UBAP1L: variants seen among roughly 807,000 people sequenced by gnomAD.
The protein encoded by UBAP1L is ubiquitin associated protein 1 like, also known as ubiquitin-associated protein 1-like.
UBAP1L carries 32 observed loss-of-function variants against 32.1 expected under a neutral mutation model. The ratio of observed to expected loss-of-function variants is 1.00; its 90% confidence interval spans 0.75 to 1.34. UBAP1L has a LOEUF of 1.34. Ranked by LOEUF, UBAP1L falls within the 40% of genes most tolerant of loss-of-function variation. The pLI, the probability that UBAP1L is intolerant of heterozygous loss-of-function variation, is 0.00. For missense variants in UBAP1L, 516 were observed against 540.5 expected (o/e 0.95, Z 0.45); for synonymous variants, 243 against 250.2 (o/e 0.97, Z 0.27).
In UBAP1L at chr15:65,102,417, G is replaced by C. The variant is rs553747951; in HGVS notation, c.388C>G (p.Pro130Ala). The C allele has an allele frequency of 4.6e-5, 66 of 1,427,552 alleles. No individual in the cohort carries two copies. The highest frequency in any genetic ancestry group is 2.9e-4 in the African/African-American group (19 of 66,334). 88.4% of individuals were successfully genotyped at this position (1,427,552 alleles called of 1,614,324 possible). ...GGGCCGGGGCTCGCCGGGGAGCCCG[G>C]TTGGAGGCTGCTGGGGGCCGGCTCT... The part of the protein sequence containing the change: ...EEEPAPSSLQ[P>A]GSPASPGPGR... Residue 130 changes from proline (P) to alanine (A), a missense_variant, in exon 3 of 6, where the codon CCG becomes GCG. Transcript: ENST00000559089. The surrounding 1 kb of genome is among the most constrained non-coding windows in gnomAD (Gnocchi z 5.0).
intron 2 of UBAP1L, 27 bp downstream of exon 2, chr15:65,106,069 A>G: frequency 6.4e-7 from 1 of 1,550,572 alleles, no homozygotes; most frequent in African/African-American, 1.4e-5. Flanking sequence ...ACAGACCCAG[A>G]AGACAGAAAC....
intron 1 of UBAP1L, among the ~76,000 whole-genome samples, chr15:65,109,578 T>C (rs939002540): frequency 1.3e-5 from 2 of 150,760 alleles, no homozygotes; most frequent in African/African-American, 4.9e-5. Flanking sequence ...TGGGAGAAGA[T>C]ATTTGCAACA....
At position 65,092,935 on chromosome 15, in the gene UBAP1L, A is replaced by C. The variant is rs2087133934; in HGVS notation, c.*162T>G. On this transcript the variant is annotated 3_prime_UTR_variant, in exon 6 of 6. Transcript: ENST00000559089. ...AGGCAACTATTTCAACTCTTTCAGC[A>C]GATTCTGCTGCTGTTAACTGTCACC... 1 of 1,021,922 alleles carries C rather than the reference A, an allele frequency of 9.8e-7. No individual in the cohort carries two copies. The highest frequency in any genetic ancestry group is 1.4e-6 in the Non-Finnish European group (1 of 733,448). The allele number at this position is 1,021,922 out of a possible 1,614,324, so 63.3% of individuals were successfully genotyped here. A position where few individuals can be genotyped will look rare whatever the true frequency, so the allele number is the denominator to read the frequency against.
rs74524140 is a variant in UBAP1L at position 65,099,474 on chromosome 15, C to T, written c.909+31G>A. The T allele has an allele frequency of 2.9e-4, 452 of 1,544,792 alleles. 1 individual carries two copies. Among genetic ancestry groups the T allele is most frequent in the Non-Finnish European group, 3.4e-4 (390 of 1,143,700 alleles). On this transcript the variant is annotated intron_variant, in intron 4 of 5. Transcript: ENST00000559089. ...GGCCACTCACCTGGCTCCAGCATCA[C>T]AGCTCATCAGCTCTGGGTCCCCCAA...
At chr15:65,107,040 A>G (rs2087320895) in intron 1 of UBAP1L, among the ~76,000 whole-genome samples, 1 of 152,256 alleles carries the variant, frequency 6.6e-6, no homozygotes, top group South Asian at 2.1e-4. Context: ...AATTATGGGT[A>G]GAATAATATA....
At chr15:65,107,359 G>GAAAAAAAAA (rs952697311) in intron 1 of UBAP1L, among the ~76,000 whole-genome samples, 1 of 143,662 alleles carries the variant, frequency 7.0e-6, no homozygotes, top group Non-Finnish European at 1.5e-5. Flanking sequence ...AAAGAAAAAG[G>GAAAAAAAAA]AAAAAAAAAA....
rs945732241 is a variant in UBAP1L, at chr15:65,106,347, G to A, written c.-132C>T. Reference sequence around the variant, plus strand: ...TGCTCTCCTGTGTGGTCACTTAGCTGAGCCCCAAACAGCTGGAAAGGAAAA... The same window carrying A: ...TGCTCTCCTGTGTGGTCACTTAGCTAAGCCCCAAACAGCTGGAAAGGAAAA... On this transcript the variant is annotated 5_prime_UTR_variant, in exon 2 of 6. Transcript: ENST00000559089. The A allele has an allele frequency of 1.3e-5, 15 of 1,132,914 alleles. No homozygotes were observed. The African/African-American group carries it at 2.0e-4, about 15-fold the overall frequency. The allele number at this position is 1,132,914 out of a possible 1,614,324, so 70.2% of individuals were successfully genotyped here. A position where few individuals can be genotyped will look rare whatever the true frequency, so the allele number is the denominator to read the frequency against.
At chr15:65,097,307 C>G (rs1269496187) in intron 4 of UBAP1L, 1 of 152,366 alleles carries the variant, frequency 6.6e-6, no homozygotes, top group African/African-American at 2.4e-5. Flanking sequence ...ATGTCAGAGC[C>G]CCACTGTGCA....
At position 65,102,900 on chromosome 15, in the gene UBAP1L, C is replaced by CATAA. The variant is rs1415591279; in HGVS notation, c.121-220_121-217dup. On this transcript the variant is annotated intron_variant, in intron 2 of 5. Transcript: ENST00000559089. This position sits in a 1 kb window ranked among gnomAD's most constrained non-coding sequence, Gnocchi z 5.0. ...CAATAACAGTTTAATGGCAAACTGG[C>CATAA]ATAAATGACAAAGTGATGAATTCGT... Among the ~76,000 whole-genome samples, 3 of 152,328 alleles carry CATAA rather than the reference C, an allele frequency of 2.0e-5. No homozygotes were observed. Among genetic ancestry groups the CATAA allele is most frequent in the African/African-American group, 7.2e-5 (3 of 41,572 alleles).
At chr15:65,112,457 G>A (rs1376592909) in intron 1 of UBAP1L, among the ~76,000 whole-genome samples, 1 of 152,080 alleles carries the variant, frequency 6.6e-6, no homozygotes, top group Non-Finnish European at 1.5e-5. Flanking sequence ...TGTAAGCCAG[G>A]ACCTCTCAAA....
intron 1 of UBAP1L, among the ~76,000 whole-genome samples, chr15:65,106,837 C>T (rs190473005): frequency 0.015 from 2,328 of 152,188 alleles, 30 homozygotes; most frequent in Non-Finnish European, 0.024. Flanking sequence ...GACGGGGTTT[C>T]ACCACGTTGG....
intron 1 of UBAP1L, among the ~76,000 whole-genome samples, chr15:65,109,310 C>T (rs1320841372): frequency 6.6e-6 from 1 of 151,292 alleles, no homozygotes; most frequent in Non-Finnish European, 1.5e-5. Flanking sequence ...GGTGAAACCC[C>T]GTCTCTACTA....
chr15:65,111,681 C>T (rs963245241), intron 1 of UBAP1L, among the ~76,000 whole-genome samples: 17 of 151,040 alleles, frequency 1.1e-4, no homozygotes, highest in African/African-American at 4.1e-4. Flanking sequence ...GGTGGGGTTT[C>T]GCCATACTGG....
Position 65,105,149 on chromosome 15 carries a change from A to T in UBAP1L, c.120+947T>A, listed in dbSNP as rs556122428. ...AGCCATGTTCATGCCGCTGCACTCC[A>T]GCCTGGGCGACAGAGTGAGGCCCTG... On this transcript the variant is annotated intron_variant, in intron 2 of 5. Transcript: ENST00000559089. 30 of 196,476 alleles carry T rather than the reference A, an allele frequency of 1.5e-4. No individual in the cohort carries two copies. In the South Asian group the frequency reaches 2.3e-3, roughly 15 times the overall value. 12.2% of individuals were successfully genotyped at this position (196,476 alleles called of 1,614,324 possible). A position where few individuals can be genotyped will look rare whatever the true frequency, so the allele number is the denominator to read the frequency against.
chr15:65,094,599 G>C lies in UBAP1L; in HGVS notation c.910-23C>G. 1 of 1,529,350 alleles carries C rather than the reference G, an allele frequency of 6.5e-7. No individual in the cohort carries two copies. Among genetic ancestry groups the C allele is most frequent in the Non-Finnish European group, 8.9e-7 (1 of 1,127,626 alleles). The allele number at this position is 1,529,350 out of a possible 1,614,324, so 94.7% of individuals were successfully genotyped here. A position where few individuals can be genotyped will look rare whatever the true frequency, so the allele number is the denominator to read the frequency against. On this transcript the variant is annotated intron_variant, in intron 4 of 5. Transcript: ENST00000559089. The surrounding 1 kb of genome is among the most constrained non-coding windows in gnomAD (Gnocchi z 4.2). ...AAACTGGGCCGGAAGCGGGCAGAGAGGGAGGGAGGGTAAGAGGAGCAGCCG... is the reference window on the plus strand; with the variant it reads ...AAACTGGGCCGGAAGCGGGCAGAGACGGAGGGAGGGTAAGAGGAGCAGCCG...
chr15:65,112,097 G>A (rs2087372967), intron 1 of UBAP1L, among the ~76,000 whole-genome samples: 1 of 152,196 alleles, frequency 6.6e-6, no homozygotes, highest in South Asian at 2.1e-4. Context: ...CAAAGGAAGG[G>A]GAGTGGTCTA....
chr15:65,111,396 T>C (rs1487078608), intron 1 of UBAP1L, among the ~76,000 whole-genome samples: 2 of 152,240 alleles, frequency 1.3e-5, no homozygotes, highest in Non-Finnish European at 2.9e-5. Context: ...CTTCTCTCCA[T>C]CTTCCGCCCA....
chr15:65,110,057 G>T (rs59794671), intron 1 of UBAP1L, among the ~76,000 whole-genome samples: 1 of 152,276 alleles, frequency 6.6e-6, no homozygotes, highest in African/African-American at 2.4e-5. Flanking sequence ...TGAGTCTGTT[G>T]CCTTTAAAAA....
chr15:65,095,438 G>A (rs2087161913), intron 4 of UBAP1L: 1 of 152,330 alleles, frequency 6.6e-6, no homozygotes, highest in African/African-American at 2.4e-5. Context: ...TTTGCTCCAT[G>A]AGGGAGGGGC....
Sources: gnomAD v4.1 joint callset for allele counts (sites outside exome capture counted in the v4.1 genomes callset) on GRCh38, gnomAD v4.1.1 for gene constraint, Gnocchi (gnomAD v3.1) non-coding constraint, MANE v1.5 for transcripts, NCBI Gene and HGNC (gene_info 2026-07-23, HGNC 2026-07-21) for gene names.